Variants in CYP7B1 observed in about 807,000 individuals in gnomAD.
The protein encoded by CYP7B1 is cytochrome P450 family 7 subfamily B member 1, also known as cytochrome P450 7B1.
In CYP7B1, 29 loss-of-function variants were observed where a neutral mutation model predicts 42.7. That is an observed-to-expected ratio of 0.68 (90% confidence interval 0.51 to 0.93). CYP7B1 has a LOEUF of 0.93. CYP7B1 is among the 40% of genes least tolerant of loss of function. The probability of loss-of-function intolerance (pLI) is 0.00; values close to 1 mark genes in which losing one functional copy is unlikely to be tolerated. For synonymous variants in CYP7B1, 235 were observed against 218.2 expected (o/e 1.08, Z -0.68); for missense variants, 655 against 600.5 (o/e 1.09, Z -0.95).
At chr8:64,651,607 G>A (rs1347109939) in intron 1 of CYP7B1, among the ~76,000 whole-genome samples, 2 of 152,138 alleles carry the variant, frequency 1.3e-5, no homozygotes. Flanking sequence ...GTATTTGGGG[G>A]TGAGGCCTTT....
chr8:64,711,119 A>G (rs1470624236), intron 1 of CYP7B1, among the ~76,000 whole-genome samples: 1 of 152,144 alleles, frequency 6.6e-6, no homozygotes, highest in Non-Finnish European at 1.5e-5. Flanking sequence ...GGAGGGAGTA[A>G]AAGGTTTTCA....
chr8:64,652,092 G>A (rs1585833424), intron 1 of CYP7B1, among the ~76,000 whole-genome samples: 1 of 152,166 alleles, frequency 6.6e-6, no homozygotes, highest in East Asian at 1.9e-4. Context: ...AAATCTAATG[G>A]CTTACAAACA....
intron 1 of CYP7B1, among the ~76,000 whole-genome samples, chr8:64,638,732 C>T (rs1805810603): frequency 6.6e-6 from 1 of 151,996 alleles, no homozygotes; most frequent in Admixed American, 6.6e-5. Context: ...CTCCAACACT[C>T]GCGTAAGTGA....
chr8:64,671,810 G>A (rs1244014749), intron 1 of CYP7B1, among the ~76,000 whole-genome samples: 1 of 152,136 alleles, frequency 6.6e-6, no homozygotes, highest in Non-Finnish European at 1.5e-5. Context: ...GATGATAAAA[G>A]GGGTGGAAAA....
chr8:64,620,044 G>C (rs1805503620), intron 2 of CYP7B1, among the ~76,000 whole-genome samples: 1 of 152,058 alleles, frequency 6.6e-6, no homozygotes, highest in South Asian at 2.1e-4. Context: ...AAATTAGCCA[G>C]GTGTGGTGGC....
intron 4 of CYP7B1, among the ~76,000 whole-genome samples, 165 bp from the exon 5 acceptor site, chr8:64,605,022 G>A (rs1163332996): frequency 6.6e-6 from 1 of 152,202 alleles, no homozygotes; most frequent in Non-Finnish European, 1.5e-5. Context: ...CTGTGCACAG[G>A]ATGTGAGCAG....
chr8:64,643,190 TATACACACACACACACAC>T (rs1805893755), intron 1 of CYP7B1, among the ~76,000 whole-genome samples: 2 of 83,634 alleles, frequency 2.4e-5, no homozygotes, highest in South Asian at 3.3e-4. Flanking sequence ...TACATATATA[TATACACACACACACACAC>T]ACACATATAC....
At chr8:64,630,072 T>C (rs958975133) in intron 1 of CYP7B1, among the ~76,000 whole-genome samples, 1 of 152,110 alleles carries the variant, frequency 6.6e-6, no homozygotes, top group African/African-American at 2.4e-5. Context: ...CAAAGATATC[T>C]GAGAAGGCAC....
At chr8:64,605,322 A>G (rs535273997) in intron 4 of CYP7B1, among the ~76,000 whole-genome samples, 47 of 152,344 alleles carry the variant, frequency 3.1e-4, no homozygotes, top group African/African-American at 1.1e-3. Context: ...GTGCTTTCTG[A>G]GACAGCTTAA....
intron 5 of CYP7B1, among the ~76,000 whole-genome samples, chr8:64,598,693 A>G (rs1303537391): frequency 6.6e-6 from 1 of 152,194 alleles, no homozygotes; most frequent in African/African-American, 2.4e-5. Flanking sequence ...CACGTGATGC[A>G]GGAGTGCTCC....
intron 1 of CYP7B1, among the ~76,000 whole-genome samples, chr8:64,719,235 A>G (rs1435893318): frequency 1.3e-5 from 2 of 152,184 alleles, no homozygotes; most frequent in Non-Finnish European, 2.9e-5. Flanking sequence ...GCACACTCAG[A>G]TATCAACCAC....
chr8:64,625,114 C>T (rs1012103510), intron 1 of CYP7B1, among the ~76,000 whole-genome samples: 4 of 151,940 alleles, frequency 2.6e-5, no homozygotes, highest in Non-Finnish European at 4.4e-5. Flanking sequence ...GCTGGGACTA[C>T]AGGCGCCTGC....
chr8:64,621,248 C>T (rs150032780), intron 2 of CYP7B1, among the ~76,000 whole-genome samples: 9 of 152,270 alleles, frequency 5.9e-5, no homozygotes, highest in African/African-American at 1.4e-4. Context: ...GAGCTCTAGA[C>T]TAAATGTTGA....
chr8:64,592,793 C>T lies in CYP7B1; in HGVS notation c.*3849G>A, dbSNP rs904598832. 1.6e-4 allele frequency among the ~76,000 whole-genome samples: 25 copies of T among 152,188 alleles called. No homozygotes were observed. The highest frequency in any genetic ancestry group is 5.8e-4 in the African/African-American group (24 of 41,436). On this transcript the variant is annotated 3_prime_UTR_variant, in exon 6 of 6. Transcript: ENST00000310193. ...TATTATTTTATTTTTCAAATGAGGACGTTGAAGCTCTGAGACGGAAATTGT... is the reference window on the plus strand; with the variant it reads ...TATTATTTTATTTTTCAAATGAGGATGTTGAAGCTCTGAGACGGAAATTGT...
At chr8:64,590,602 G>A (rs1380261408), downstream of CYP7B1, among the ~76,000 whole-genome samples, 2 of 151,998 alleles carry the variant, frequency 1.3e-5, no homozygotes, top group African/African-American at 2.4e-5. Flanking sequence ...AAAACTTAGT[G>A]ATTTTTTTTG....
rs78238953 is a variant in CYP7B1, at chr8:64,640,674, A to G, written c.123-16135T>C. Among the ~76,000 whole-genome samples the G allele has an allele frequency of 6.2e-3, 946 of 152,262 alleles. 12 individuals are homozygous for G. The highest frequency in any genetic ancestry group is 0.022 in the African/African-American group (910 of 41,570). On this transcript the variant is annotated intron_variant, in intron 1 of 5. Coordinates refer to ENST00000310193, the MANE Select transcript of CYP7B1 (RefSeq NM_004820.5). ...GTGTGCTTTACAAATAAGGAAACAG[A>G]ATCAGAGATGTAAAATAACTTGCCC...
At chr8:64,725,290 AT>A (rs1226363340) in intron 1 of CYP7B1, among the ~76,000 whole-genome samples, 1 of 152,246 alleles carries the variant, frequency 6.6e-6, no homozygotes, top group Non-Finnish European at 1.5e-5. Flanking sequence ...GTGTTTTGTT[AT>A]CAAAGTATCA....
intron 1 of CYP7B1, among the ~76,000 whole-genome samples, chr8:64,783,844 C>T (rs182518881): frequency 6.6e-6 from 1 of 152,172 alleles, no homozygotes; most frequent in Non-Finnish European, 1.5e-5. Flanking sequence ...TGAGAGTAAA[C>T]ATTTAGAAAG....
intron 1 of CYP7B1, among the ~76,000 whole-genome samples, chr8:64,674,387 C>T (rs1806412144): frequency 6.6e-6 from 1 of 152,082 alleles, no homozygotes; most frequent in South Asian, 2.1e-4. Context: ...AGGGGGATTT[C>T]CTTGTCTGTC....
Sources: gnomAD v4.1 joint callset for allele counts (sites outside exome capture counted in the v4.1 genomes callset) on GRCh38, gnomAD v4.1.1 for gene constraint, MANE v1.5 for transcripts, NCBI Gene and HGNC (gene_info 2026-07-23, HGNC 2026-07-21) for gene names.